The following MDGA2 variants were observed in gnomAD, a reference collection of about 807,000 sequenced individuals.
The protein encoded by MDGA2 is MAM domain-containing glycosylphosphatidylinositol anchor protein 2.
Under a neutral mutation model 117.8 loss-of-function variants are expected in MDGA2, and 40 were observed. The ratio of observed to expected loss-of-function variants is 0.34; its 90% CI spans 0.26 to 0.44. The LOEUF (loss-of-function observed/expected upper bound fraction) is 0.44, where lower values mean the gene tolerates loss of function less well. MDGA2 is among the 20% of genes least tolerant of loss of function. MDGA2 has a pLI of 1.00. For synonymous variants in MDGA2, 452 were observed against 439.0 expected, an observed-to-expected ratio of 1.03 and a Z score of -0.37; for missense variants, 1,123 against 1,250.6, an observed-to-expected ratio of 0.90 and a Z score of 1.54.
chr14:47,570,636 A>G (rs1009790261), intron 1 of MDGA2, among the ~76,000 whole-genome samples: 3 of 152,202 alleles, frequency 2.0e-5, no homozygotes, highest in African/African-American at 7.2e-5. Flanking sequence ...GACAAACCTT[A>G]CAGAAACAAG....
chr14:47,529,453 C>A (rs1345446120), intron 1 of MDGA2, among the ~76,000 whole-genome samples: 1 of 151,780 alleles, frequency 6.6e-6, no homozygotes, highest in Non-Finnish European at 1.5e-5. Context: ...ATGAAGTATC[C>A]CCCCCCTCAG....
rs1566515949 is a variant in MDGA2 at position 47,561,158 on chromosome 14, G to GGTTT, written c.280+113358_280+113359insAAAC. ...CTATCTTTGTTTTTTTTTTTGTTTT[G>GGTTT]TTTTGTTTTTTTGTTTGTTTGTTTT... On this transcript the variant is annotated intron_variant, in intron 1 of 16. Coordinates refer to ENST00000399232, the MANE Select transcript of MDGA2 (RefSeq NM_001113498.3). 3.4e-4 allele frequency among the ~76,000 whole-genome samples: 19 copies of GGTTT among 55,088 alleles called. 1 individual carries two copies. The highest frequency in any genetic ancestry group is 1.3e-3 in the East Asian group (1 of 758). The allele number at this position is 55,088 out of a possible 152,430, so 36.1% of individuals were successfully genotyped here. A position where few individuals can be genotyped will look rare whatever the true frequency, so the allele number is the denominator to read the frequency against.
chr14:47,162,705 C>T (rs1473670121), intron 3 of MDGA2, among the ~76,000 whole-genome samples: 2 of 152,058 alleles, frequency 1.3e-5, no homozygotes, highest in Non-Finnish European at 2.9e-5. Flanking sequence ...TTTCCATAGG[C>T]TATATCCTCC....
chr14:47,121,129 T>C (rs1488139494), intron 5 of MDGA2, among the ~76,000 whole-genome samples: 1 of 152,160 alleles, frequency 6.6e-6, no homozygotes, highest in Non-Finnish European at 1.5e-5. Flanking sequence ...TGTTTGCATT[T>C]TGCCTTGTCT....
intron 1 of MDGA2, among the ~76,000 whole-genome samples, chr14:47,370,479 T>TG (rs1891325398): frequency 3.3e-5 from 2 of 60,290 alleles, no homozygotes; most frequent in African/African-American, 1.6e-4. Context: ...TTTTTTTTTT[T>TG]TTTTTTTTTT....
chr14:46,895,546 T>C (rs1434580177), intron 10 of MDGA2, among the ~76,000 whole-genome samples: 2 of 151,952 alleles, frequency 1.3e-5, no homozygotes, highest in African/African-American at 4.8e-5. Context: ...GTCAATATGG[T>C]GAAACCCCAT....
intron 1 of MDGA2, among the ~76,000 whole-genome samples, chr14:47,378,264 A>C (rs1891527013): frequency 6.6e-6 from 1 of 152,218 alleles, no homozygotes; most frequent in Admixed American, 6.5e-5. Context: ...GGGAAAAAAC[A>C]GAGCAGAAAA....
chr14:46,903,430 G>A (rs1483590896), intron 10 of MDGA2, among the ~76,000 whole-genome samples: 1 of 152,030 alleles, frequency 6.6e-6, no homozygotes, highest in Non-Finnish European at 1.5e-5. Context: ...TATATACCTT[G>A]ACTTTTTATT....
chr14:47,615,252 C>T (rs951161291), intron 1 of MDGA2, among the ~76,000 whole-genome samples: 6 of 152,156 alleles, frequency 3.9e-5, no homozygotes, highest in African/African-American at 1.2e-4. Context: ...TTAAAAATAA[C>T]ATTTTAGTGG....
intron 6 of MDGA2, among the ~76,000 whole-genome samples, chr14:47,086,199 T>A (rs1048489828): frequency 6.6e-6 from 1 of 151,696 alleles, no homozygotes; most frequent in Admixed American, 6.6e-5. Flanking sequence ...AATTACTGGG[T>A]TGATGATTTC....
Position 46,842,054 on chromosome 14 carries a change from G to A in MDGA2, c.2990-35C>T, listed in dbSNP as rs986886413. On this transcript the variant is annotated intron_variant, in intron 16 of 16. Coordinates refer to ENST00000399232, the MANE Select transcript of MDGA2 (RefSeq NM_001113498.3). The stretch of plus-strand genomic sequence containing the variant: ...AGGAAAATAAATGCAAACAAAAAAA[G>A]AAGAATAATAAGCATTCCACGTAGC... 5 of 1,477,816 alleles carry A rather than the reference G, an allele frequency of 3.4e-6. No individual in the cohort carries two copies. The African/African-American group carries it at 5.5e-5, about 16-fold the overall frequency. The allele number at this position is 1,477,816 out of a possible 1,614,324, so 91.5% of individuals were successfully genotyped here.
intron 1 of MDGA2, among the ~76,000 whole-genome samples, chr14:47,620,251 G>A (rs1319644746): frequency 6.6e-6 from 1 of 152,216 alleles, no homozygotes; most frequent in East Asian, 1.9e-4. Flanking sequence ...TAATAACTGA[G>A]TTTTTGAATG....
chr14:47,239,080 T>A (rs1372268203), intron 2 of MDGA2, among the ~76,000 whole-genome samples: 1 of 151,582 alleles, frequency 6.6e-6, no homozygotes, highest in African/African-American at 2.4e-5. Flanking sequence ...CAAACGTAAA[T>A]TATCTTCCAC....
At chr14:47,426,399 T>A (rs371238533) in intron 1 of MDGA2, among the ~76,000 whole-genome samples, 1 of 151,930 alleles carries the variant, frequency 6.6e-6, no homozygotes, top group African/African-American at 2.4e-5. Context: ...ATGCCCCTAC[T>A]TTTTTTGAGC....
intron 3 of MDGA2, among the ~76,000 whole-genome samples, chr14:47,188,346 C>T (rs367652127): frequency 3.3e-5 from 5 of 152,186 alleles, no homozygotes; most frequent in African/African-American, 4.8e-5. Context: ...TGCTTGCTTG[C>T]TCTAAGAGAA....
intron 2 of MDGA2, among the ~76,000 whole-genome samples, chr14:47,289,910 T>G (rs982194812): frequency 3.9e-5 from 6 of 152,150 alleles, no homozygotes; most frequent in African/African-American, 1.4e-4. Flanking sequence ...AGATCCATTT[T>G]CTGAGCTCCC....
At chr14:47,452,970 T>C (rs1269414485) in intron 1 of MDGA2, among the ~76,000 whole-genome samples, 1 of 152,106 alleles carries the variant, frequency 6.6e-6, no homozygotes, top group Non-Finnish European at 1.5e-5. Context: ...GTAACTGTTA[T>C]ATTGCTGGGA....
chr14:47,324,449 G>A (rs567077099), intron 1 of MDGA2, among the ~76,000 whole-genome samples: 8 of 152,220 alleles, frequency 5.3e-5, no homozygotes, highest in South Asian at 4.2e-4. Context: ...CTTCCATTTA[G>A]AGAAACTCAG....
At chr14:47,497,317 C>T (rs147228659) in intron 1 of MDGA2, among the ~76,000 whole-genome samples, 1,557 of 152,252 alleles carry the variant, frequency 0.01, 21 homozygotes, top group Middle Eastern at 0.024. Flanking sequence ...AGGGCAGTGG[C>T]CCAATCTCGG....
Sources: allele counts gnomAD v4.1 joint callset (sites outside exome capture counted in the v4.1 genomes callset), GRCh38; gene constraint gnomAD v4.1.1; transcripts MANE v1.5; gene names NCBI Gene and HGNC (gene_info 2026-07-23, HGNC 2026-07-21).